Variants in TENM4 observed in about 807,000 individuals in gnomAD.
TENM4 encodes teneurin transmembrane protein 4, also known as teneurin-4.
A neutral mutation model predicts 243.3 loss-of-function variants in TENM4; 82 were observed. The ratio of observed to expected loss-of-function variants is 0.34; its 90% CI spans 0.28 to 0.40. The LOEUF is 0.40. TENM4 is among the 10% of genes least tolerant of loss of function. The probability of loss-of-function intolerance (pLI) is 1.00; values close to 1 mark genes in which losing one functional copy is unlikely to be tolerated. For missense variants in TENM4, 3,138 were observed against 3,673.3 expected (o/e 0.85, Z 3.77); for synonymous variants, 1,412 against 1,456.3 (o/e 0.97, Z 0.69).
chr11:78,946,154 T>C (rs1330719202), intron 6 of TENM4, among the ~76,000 whole-genome samples: 1 of 152,246 alleles, frequency 6.6e-6, no homozygotes, highest in Non-Finnish European at 1.5e-5. Flanking sequence ...AGAGGAAAAG[T>C]CAATGCTTGG....
At chr11:78,790,095 G>A (rs1468809506) in intron 15 of TENM4, among the ~76,000 whole-genome samples, 1 of 152,146 alleles carries the variant, frequency 6.6e-6, no homozygotes, top group Non-Finnish European at 1.5e-5. Flanking sequence ...ACTGTACCTG[G>A]TGCTAGAAAT....
intron 12 of TENM4, among the ~76,000 whole-genome samples, chr11:78,837,860 T>C (rs527865762): frequency 6.6e-6 from 1 of 152,362 alleles, no homozygotes; most frequent in South Asian, 2.1e-4. Flanking sequence ...TTTCTTATAA[T>C]TAGACATTTG....
chr11:78,710,210 C>T (rs1042297457), intron 26 of TENM4, among the ~76,000 whole-genome samples: 1 of 152,216 alleles, frequency 6.6e-6, no homozygotes, highest in Non-Finnish European at 1.5e-5. Context: ...GTCTTCATTT[C>T]CTCATTGATA....
At chr11:78,933,686 G>T (rs1591141498) in intron 6 of TENM4, among the ~76,000 whole-genome samples, 4 of 152,176 alleles carry the variant, frequency 2.6e-5, no homozygotes, top group African/African-American at 7.2e-5. Flanking sequence ...CTCTGGGGAG[G>T]CAGTGCAAGG....
intron 1 of TENM4, among the ~76,000 whole-genome samples, chr11:79,424,709 C>G (rs533870322): frequency 6.6e-6 from 1 of 151,770 alleles, no homozygotes; most frequent in South Asian, 2.1e-4. Context: ...CCGAGGCGGG[C>G]GGATCATGAG....
intron 1 of TENM4, among the ~76,000 whole-genome samples, chr11:79,338,777 A>T (rs1373842701): frequency 6.6e-6 from 1 of 152,194 alleles, no homozygotes; most frequent in African/African-American, 2.4e-5. Context: ...GGCTGGACCT[A>T]GGTTCAAAGT....
chr11:79,144,809 G>A (rs1318994180), intron 4 of TENM4, among the ~76,000 whole-genome samples: 1 of 151,886 alleles, frequency 6.6e-6, no homozygotes, highest in Non-Finnish European at 1.5e-5. Flanking sequence ...GGGGAAGTGG[G>A]GATGGCTAAT....
intron 3 of TENM4, among the ~76,000 whole-genome samples, chr11:79,214,500 T>C (rs1409701636): frequency 6.6e-6 from 1 of 152,246 alleles, no homozygotes; most frequent in African/African-American, 2.4e-5. Context: ...AAATAAATGA[T>C]TAATCAGAAG....
chr11:79,267,950 G>T (rs924687731), intron 2 of TENM4, among the ~76,000 whole-genome samples: 1 of 152,134 alleles, frequency 6.6e-6, no homozygotes, highest in Non-Finnish European at 1.5e-5. Context: ...TAACCAAAAT[G>T]GAAGATCCTT....
At chr11:79,151,595 G>A (rs1035841685) in intron 3 of TENM4, among the ~76,000 whole-genome samples, 1 of 152,088 alleles carries the variant, frequency 6.6e-6, no homozygotes, top group Admixed American at 6.6e-5. Flanking sequence ...GGCGCTTTCC[G>A]AGGTTACTAA....
intron 1 of TENM4, among the ~76,000 whole-genome samples, chr11:79,362,940 TC>T (rs1226045167): frequency 2.6e-5 from 4 of 152,220 alleles, no homozygotes; most frequent in Admixed American, 2.6e-4. Flanking sequence ...GGGAGAGAGC[TC>T]TAAGATGTCA....
intron 25 of TENM4, among the ~76,000 whole-genome samples, chr11:78,716,201 C>G (rs1200712339): frequency 6.6e-6 from 1 of 152,070 alleles, no homozygotes; most frequent in Non-Finnish European, 1.5e-5. Context: ...ACTTCCCCAC[C>G]CTGCTGCCCA....
In TENM4 at chr11:78,888,113, C is replaced by T. The variant is rs937114454; in HGVS notation, c.1084+1672G>A. Among the ~76,000 whole-genome samples, 5 of 152,212 alleles carry T rather than the reference C, an allele frequency of 3.3e-5. No individual in the cohort carries two copies. The East Asian group carries it at 9.6e-4, about 29-fold the overall frequency. On this transcript the variant is annotated intron_variant, in intron 9 of 33. Coordinates refer to ENST00000278550, the MANE Select transcript of TENM4 (RefSeq NM_001098816.3). Reference sequence around the variant, plus strand: ...ATATCAACGATGCACCTCACAGAGCCTGGGTAGGCCTTGACCTCTCCCAGT... The same window carrying T: ...ATATCAACGATGCACCTCACAGAGCTTGGGTAGGCCTTGACCTCTCCCAGT...
chr11:79,117,590 A>G (rs550580387), intron 4 of TENM4, among the ~76,000 whole-genome samples: 2 of 152,118 alleles, frequency 1.3e-5, no homozygotes, highest in Non-Finnish European at 2.9e-5. Context: ...TCTTCAACAA[A>G]CTTCTCATTG....
intron 1 of TENM4, among the ~76,000 whole-genome samples, chr11:79,372,058 G>C (rs1857798851): frequency 6.6e-6 from 1 of 152,168 alleles, no homozygotes; most frequent in Non-Finnish European, 1.5e-5. Context: ...CTCCTGCCCT[G>C]CCTCTATCCC....
rs551800105 is a variant in TENM4, at chr11:79,362,837, G to C, written c.-320-65294C>G. 2.6e-5 allele frequency among the ~76,000 whole-genome samples: 4 copies of C among 152,318 alleles called. No individual in the cohort carries two copies. In the South Asian group the frequency reaches 8.3e-4, roughly 32 times the overall value. Reference sequence around the variant, plus strand: ...TAAATGAAATTAACATAGACAAAATGCTTACAAATACGTAGCAGTCAATGA... The same window carrying C: ...TAAATGAAATTAACATAGACAAAATCCTTACAAATACGTAGCAGTCAATGA... On this transcript the variant is annotated intron_variant, in intron 1 of 33. Coordinates refer to ENST00000278550, the MANE Select transcript of TENM4 (RefSeq NM_001098816.3).
chr11:79,427,148 C>T (rs1009839315), intron 1 of TENM4, among the ~76,000 whole-genome samples: 1 of 152,156 alleles, frequency 6.6e-6, no homozygotes, highest in Non-Finnish European at 1.5e-5. Flanking sequence ...GAAAACTTCC[C>T]TGGTCAAACT....
intron 17 of TENM4, among the ~76,000 whole-genome samples, chr11:78,775,897 T>C (rs1260904645): frequency 6.6e-6 from 1 of 152,150 alleles, no homozygotes; most frequent in South Asian, 2.1e-4. Context: ...TATGAAGAAG[T>C]CCCCCTTGCA....
intron 25 of TENM4, among the ~76,000 whole-genome samples, chr11:78,715,246 C>A (rs778107998): frequency 6.6e-6 from 1 of 152,178 alleles, no homozygotes; most frequent in African/African-American, 2.4e-5. Context: ...ACATAAAAGG[C>A]GGTGACCTTA....
Sources: allele counts gnomAD v4.1 joint callset (sites outside exome capture counted in the v4.1 genomes callset), GRCh38; gene constraint gnomAD v4.1.1; transcripts MANE v1.5; gene names NCBI Gene and HGNC (gene_info 2026-07-23, HGNC 2026-07-21).